MOCS1: variants seen among roughly 807,000 people sequenced by gnomAD.
MOCS1 encodes molybdenum cofactor synthesis 1.
Under a neutral mutation model 57.6 loss-of-function variants are expected in MOCS1, and 39 were observed. The observed-to-expected ratio is 0.68, with a 90% CI of 0.52 to 0.88. The LOEUF (loss-of-function observed/expected upper bound fraction) is 0.88, where lower values mean the gene tolerates loss of function less well. Ranked by LOEUF, MOCS1 falls within the 40% of genes least tolerant of loss-of-function variation. MOCS1 has a pLI of 0.00. For missense variants in MOCS1, 795 were observed against 831.1 expected (o/e 0.96, Z 0.53); for synonymous variants, 334 against 335.7 (o/e 1.00, Z 0.05).
At chr6:39,927,661 G>A (rs1191874518) in intron 1 of MOCS1, 3 of 1,573,102 alleles carry the variant, frequency 1.9e-6, no homozygotes, top group Non-Finnish European at 2.6e-6. Context: ...CACCCCTTAA[G>A]TATTCAGCTT....
At chr6:39,925,537 C>A in intron 3 of MOCS1, 141 bp downstream of exon 3, 1 of 1,005,728 alleles carries the variant, frequency 9.9e-7, no homozygotes, top group South Asian at 1.4e-5. Flanking sequence ...ATAATAATAG[C>A]ACCTGTCTCA....
At chr6:39,930,914 C>T (rs1363622600) in intron 1 of MOCS1, among the ~76,000 whole-genome samples, 1 of 152,196 alleles carries the variant, frequency 6.6e-6, no homozygotes, top group Non-Finnish European at 1.5e-5. Flanking sequence ...CAACCTAACT[C>T]AGTTGGAGGA....
In MOCS1 at chr6:39,906,251, G is replaced by A. The variant is rs529838502; in HGVS notation, c.*106C>T. 35 of 1,431,166 alleles carry A rather than the reference G, an allele frequency of 2.4e-5. 1 individual carries two copies. The highest frequency in any genetic ancestry group is 2.4e-4 in the Middle Eastern group (1 of 4,156). 88.7% of individuals were successfully genotyped at this position (1,431,166 alleles called of 1,614,324 possible). On this transcript the variant is annotated 3_prime_UTR_variant, in exon 11 of 11. Coordinates refer to ENST00000340692, the MANE Select transcript of MOCS1 (RefSeq NM_001358530.2). ...GGCTGACTTCGGGTTTACTGCTCAA[G>A]GTAAACAAACAGTGACTGTGATTAA...
In MOCS1 at chr6:39,927,315, G is replaced by C; in HGVS notation, c.250+14C>G. 6.2e-7 allele frequency: 1 copy of C among 1,609,446 alleles called. No homozygotes were observed. Among genetic ancestry groups the C allele is most frequent in the South Asian group, 1.1e-5 (1 of 90,908 alleles). ...TGGACACCAGCCCAGAGAGGGCCCA[G>C]GAAGGTGACTCACATCTGAGGTTGC... On this transcript the variant is annotated intron_variant, in intron 2 of 10. Coordinates refer to ENST00000340692, the MANE Select transcript of MOCS1 (RefSeq NM_001358530.2).
At chr6:39,927,158 ACC>A (rs1447128621) in intron 2 of MOCS1, 169 bp downstream of exon 2, 1 of 676,636 alleles carries the variant, frequency 1.5e-6, no homozygotes, top group East Asian at 2.7e-5. Context: ...CTCAGCCTTG[ACC>A]CCTATCTTGC....
At chr6:39,927,781 G>A in intron 1 of MOCS1, 2 of 1,425,746 alleles carry the variant, frequency 1.4e-6, no homozygotes, top group Non-Finnish European at 1.8e-6. Flanking sequence ...ACTCTAGCCA[G>A]TGCCAAAAAA....
In MOCS1 at chr6:39,934,075, G is replaced by A. The variant is rs141774471; in HGVS notation, c.123+220C>T. Among the ~76,000 whole-genome samples, 774 of 152,184 alleles carry A rather than the reference G, an allele frequency of 5.1e-3. 6 individuals carry two copies. Among genetic ancestry groups the A allele is most frequent in the African/African-American group, 0.016 (683 of 41,530 alleles). On this transcript the variant is annotated intron_variant, in intron 1 of 10. Transcript: ENST00000340692. ...CTAGAAGGGGTGGCGTGGCTGGGGGGCAGGGAGGTTCTGAAGCGGGACTCC... is the reference window on the plus strand; with the variant it reads ...CTAGAAGGGGTGGCGTGGCTGGGGGACAGGGAGGTTCTGAAGCGGGACTCC...
At chr6:39,910,780 C>G (rs898251372) in intron 8 of MOCS1, among the ~76,000 whole-genome samples, 1 of 152,188 alleles carries the variant, frequency 6.6e-6, no homozygotes, top group African/African-American at 2.4e-5. Flanking sequence ...CCCTTCTCTG[C>G]AACAAAGAGG....
intron 1 of MOCS1, 129 bp downstream of exon 1, chr6:39,934,166 T>C: frequency 7.9e-7 from 1 of 1,263,930 alleles, no homozygotes; most frequent in Non-Finnish European, 1.1e-6. Flanking sequence ...ATCGCTCCAC[T>C]GAGGAGTGCC....
Position 39,925,840 on chromosome 6 carries a change from A to G in MOCS1, c.256T>C (p.Tyr86His), listed in dbSNP as rs765861024. 20 of 1,610,568 alleles carry G rather than the reference A, an allele frequency of 1.2e-5. No individual in the cohort carries two copies. In the South Asian group the frequency reaches 2.1e-4, roughly 17 times the overall value. ...LTEKCNLRCQ[Y>H]CMPEEGVPLT... ...GGGACCCCCTCCTCGGGCATGCAGT[A>G]CTGACCTGAGGGAAGGATGAATGGG... The change falls in exon 3 of 11, where the codon TAC becomes CAC. Residue 86 changes from tyrosine to histidine, a missense_variant. Transcript: ENST00000340692.
chr6:39,924,761 AT>A lies in MOCS1; in HGVS notation c.418+916del, dbSNP rs533460317. 7.7e-3 allele frequency among the ~76,000 whole-genome samples: 1,168 copies of A among 152,232 alleles called. 8 individuals are homozygous for A. The highest frequency in any genetic ancestry group is 0.011 in the Non-Finnish European group (755 of 67,990). On this transcript the variant is annotated intron_variant, in intron 3 of 10. Transcript: ENST00000340692. ...GTGTGGTAGAAAATGTTATTATTTT[AT>A]TTTTTTCCCCATTATTTAGGAGCAT... is the stretch of plus-strand genomic sequence containing the variant.
chr6:39,927,194 A>T, intron 2 of MOCS1, 135 bp downstream of exon 2: 1 of 1,145,628 alleles, frequency 8.7e-7, no homozygotes, highest in Non-Finnish European at 1.3e-6. Flanking sequence ...CTGGCCTGGT[A>T]AGCAAGGGGT....
chr6:39,912,088 A>G (rs1000006232), intron 8 of MOCS1, among the ~76,000 whole-genome samples, 176 bp downstream of exon 8: 4 of 152,138 alleles, frequency 2.6e-5, no homozygotes, highest in African/African-American at 7.2e-5. Flanking sequence ...CAGAGGGGCC[A>G]TGAGTTCACC....
chr6:39,920,988 G>A (rs965004610), intron 3 of MOCS1, among the ~76,000 whole-genome samples: 2 of 145,602 alleles, frequency 1.4e-5, no homozygotes, highest in Non-Finnish European at 1.5e-5. Flanking sequence ...AAAAAAAAAA[G>A]GGGGGGGGAC....
chr6:39,904,868 C>T lies in MOCS1; in HGVS notation c.*1489G>A, dbSNP rs188475179. 21 of 454,134 alleles carry T rather than the reference C, an allele frequency of 4.6e-5. No homozygotes were observed. Among genetic ancestry groups the T allele is most frequent in the Non-Finnish European group, 8.8e-5 (20 of 226,800 alleles). The allele number at this position is 454,134 out of a possible 1,614,324, so 28.1% of individuals were successfully genotyped here. On this transcript the variant is annotated 3_prime_UTR_variant, in exon 11 of 11. Coordinates refer to ENST00000340692, the MANE Select transcript of MOCS1 (RefSeq NM_001358530.2). Reference sequence around the variant, plus strand: ...ATATTAAATTCATACCATCCCTACCCAGTCTGCCTTTAAACTTGTGCCTTC... The same window carrying T: ...ATATTAAATTCATACCATCCCTACCTAGTCTGCCTTTAAACTTGTGCCTTC...
At chr6:39,915,795 C>G (rs773599369) in intron 4 of MOCS1, among the ~76,000 whole-genome samples, 1 of 152,036 alleles carries the variant, frequency 6.6e-6, no homozygotes, top group Non-Finnish European at 1.5e-5. Flanking sequence ...GGTTTTAAAA[C>G]TTCAAGTCCT....
chr6:39,921,806 G>A (rs1450830867), intron 3 of MOCS1, among the ~76,000 whole-genome samples: 2 of 152,186 alleles, frequency 1.3e-5, no homozygotes, highest in Non-Finnish European at 2.9e-5. Context: ...ACGTTCAGGG[G>A]TACATGTGCA....
intron 8 of MOCS1, 81 bp from the exon 9 acceptor site, chr6:39,910,036 G>C: frequency 6.3e-7 from 1 of 1,596,266 alleles, no homozygotes; most frequent in Non-Finnish European, 8.5e-7. Flanking sequence ...CTCCTTCCCT[G>C]GTTCTCCCTC....
In MOCS1 at chr6:39,934,451, C is replaced by G; in HGVS notation, c.-34G>C. The G allele has an allele frequency of 6.7e-7, 1 of 1,502,218 alleles. No individual in the cohort carries two copies. The highest frequency in any genetic ancestry group is 8.9e-7 in the Non-Finnish European group (1 of 1,124,442). The allele number at this position is 1,502,218 out of a possible 1,614,324, so 93.1% of individuals were successfully genotyped here. ...ATACGAGCGGAACCGCAGCCCGCTT[C>G]GGGAGCACACTGGCCGGGCACTCGC... is the stretch of plus-strand genomic sequence containing the variant. On this transcript the variant is annotated 5_prime_UTR_variant, in exon 1 of 11. Transcript: ENST00000340692.
Sources: gnomAD v4.1 joint callset for allele counts (sites outside exome capture counted in the v4.1 genomes callset) on GRCh38, gnomAD v4.1.1 for gene constraint, MANE v1.5 for transcripts, NCBI Gene and HGNC (gene_info 2026-07-23, HGNC 2026-07-21) for gene names.